ABCA10: variants seen among roughly 807,000 people sequenced by gnomAD.
The protein encoded by ABCA10 is ATP-binding cassette sub-family A member 10.
In ABCA10, 169 loss-of-function variants were observed where a neutral mutation model predicts 187.5. The observed-to-expected ratio is 0.90, with a 90% CI of 0.80 to 1.02. The LOEUF is 1.02. Ranked by LOEUF, ABCA10 falls within the 50% of genes least tolerant of loss-of-function variation. The pLI is 0.00. For synonymous variants in ABCA10, 574 were observed against 601.8 expected (o/e 0.95, Z 0.68); for missense variants, 1,727 against 1,812.4 (o/e 0.95, Z 0.86).
chr17:69,179,205 C>CAAA (rs5821701), intron 22 of ABCA10, among the ~76,000 whole-genome samples: 1 of 147,950 alleles, frequency 6.8e-6, no homozygotes, highest in African/African-American at 2.6e-5. Context: ...AAAAACAAAA[C>CAAA]AAACAAAAAA....
At chr17:69,209,295 G>A (rs1001477682) in intron 9 of ABCA10, among the ~76,000 whole-genome samples, 1 of 150,606 alleles carries the variant, frequency 6.6e-6, no homozygotes, top group Admixed American at 6.7e-5. Flanking sequence ...CTGCTCTTTA[G>A]TCAAAAGAAG....
intron 27 of ABCA10, among the ~76,000 whole-genome samples, chr17:69,157,829 AG>A (rs1446906183): frequency 6.6e-6 from 1 of 152,154 alleles, no homozygotes; most frequent in Non-Finnish European, 1.5e-5. Context: ...AATGAATTTT[AG>A]ATGATTGAAG....
At chr17:69,190,020 G>C (rs753590341) in intron 18 of ABCA10, among the ~76,000 whole-genome samples, 2 of 152,114 alleles carry the variant, frequency 1.3e-5, no homozygotes, top group Non-Finnish European at 2.9e-5. Context: ...ATAAGGAATG[G>C]CAAGTAAGAG....
chr17:69,226,036 A>G (rs1271157794), intron 2 of ABCA10, among the ~76,000 whole-genome samples: 2 of 152,108 alleles, frequency 1.3e-5, no homozygotes, highest in African/African-American at 4.8e-5. Flanking sequence ...ATCAACCTTA[A>G]AAGACATTTT....
intron 21 of ABCA10, among the ~76,000 whole-genome samples, 175 bp downstream of exon 21, chr17:69,182,500 A>T (rs2074387514): frequency 6.6e-6 from 1 of 152,140 alleles, no homozygotes; most frequent in South Asian, 2.1e-4. Flanking sequence ...AACATTTACT[A>T]ACATGAAAAG....
chr17:69,170,454 A>G (rs1435155154), intron 25 of ABCA10, among the ~76,000 whole-genome samples: 1 of 151,674 alleles, frequency 6.6e-6, no homozygotes, highest in African/African-American at 2.4e-5. Flanking sequence ...AAAAAAAAAA[A>G]AAAGAAGTCT....
chr17:69,175,401 C>G lies in ABCA10; in HGVS notation c.2877+5G>C. ...TCAATCTAATTTCCTCTCTCTCCCT[C>G]TTACTTTATAATCGCTGATGCTGCT... On this transcript the variant is annotated splice_donor_5th_base_variant and intron_variant, in intron 23 of 38. Transcript: ENST00000690296. 1 of 1,603,280 alleles carries G rather than the reference C, an allele frequency of 6.2e-7. No homozygotes were observed. Among genetic ancestry groups the G allele is most frequent in the Non-Finnish European group, 8.5e-7 (1 of 1,175,030 alleles).
At chr17:69,221,754 T>C (rs1753141677) in intron 5 of ABCA10, 38 bp downstream of exon 5, 2 of 1,533,700 alleles carry the variant, frequency 1.3e-6, no homozygotes, top group Middle Eastern at 1.7e-4. Context: ...GAGGGAAGAA[T>C]ACAGATTTAA....
At chr17:69,192,038 G>A (rs995982589) in intron 16 of ABCA10, among the ~76,000 whole-genome samples, 22 of 152,156 alleles carry the variant, frequency 1.4e-4, no homozygotes, top group East Asian at 5.8e-4. Flanking sequence ...TAAAAATGTC[G>A]TATAGGCCGG....
chr17:69,196,981 C>G, intron 11 of ABCA10, 83 bp downstream of exon 11: 1 of 993,644 alleles, frequency 1.0e-6, no homozygotes, highest in Middle Eastern at 3.5e-4. Flanking sequence ...CCAGCCTCCG[C>G]TTGGCATCAG....
intron 25 of ABCA10, among the ~76,000 whole-genome samples, chr17:69,167,742 C>A (rs2074264233): frequency 1.3e-5 from 2 of 152,102 alleles, no homozygotes; most frequent in Non-Finnish European, 2.9e-5. Flanking sequence ...TTATTCAAGG[C>A]TCCTTTTGAC....
intron 1 of ABCA10, among the ~76,000 whole-genome samples, chr17:69,238,412 G>A (rs1031324484): frequency 1.3e-5 from 2 of 152,144 alleles, no homozygotes; most frequent in African/African-American, 2.4e-5. Context: ...AGAAAACAAT[G>A]GGGGTTATGC....
intron 15 of ABCA10, 113 bp downstream of exon 15, chr17:69,192,997 C>T: frequency 1.4e-6 from 2 of 1,425,162 alleles, no homozygotes; most frequent in Non-Finnish European, 1.9e-6. Context: ...TTGAAATGGG[C>T]TTCTGCAAAT....
rs1568048168 is a variant in ABCA10, at chr17:69,153,901, T to G, written c.3895A>C (p.Lys1299Gln). 4.3e-6 allele frequency: 7 copies of G among 1,614,158 alleles called. No homozygotes were observed. The highest frequency in any genetic ancestry group is 5.9e-6 in the Non-Finnish European group (7 of 1,179,998). ...GCTGCATACAACTCCAAGTGCTCTTTCATTGTAAGCTTGGGCCACAGTGAG... is the reference window on the plus strand; with the variant it reads ...GCTGCATACAACTCCAAGTGCTCTTGCATTGTAAGCTTGGGCCACAGTGAG... ...ENSLWPKLTMKEHLELYAAVK... is the reference protein window; with the variant it reads ...ENSLWPKLTMQEHLELYAAVK... The change falls in exon 32 of 39, where the codon AAA (lysine) becomes CAA (glutamine). Residue 1299 changes from lysine (K) to glutamine (Q), a missense_variant. Lys to Gln is a moderately conservative substitution (Grantham distance 53). Coordinates refer to ENST00000690296, the MANE Select transcript of ABCA10 (RefSeq NM_001377321.1).
At chr17:69,193,015 A>G in intron 15 of ABCA10, 95 bp downstream of exon 15, 2 of 1,483,276 alleles carry the variant, frequency 1.3e-6, no homozygotes, top group Non-Finnish European at 1.8e-6. Flanking sequence ...AATAAACTGC[A>G]AACAAGATTT....
intron 13 of ABCA10, 34 bp downstream of exon 13, chr17:69,193,780 T>C (rs1490286168): frequency 8.8e-6 from 14 of 1,594,670 alleles, no homozygotes; most frequent in Non-Finnish European, 1.2e-5. Flanking sequence ...AGTAAATTAT[T>C]TCCAAAGCCA....
intron 10 of ABCA10, among the ~76,000 whole-genome samples, chr17:69,200,712 AT>A (rs1484111602): frequency 6.6e-6 from 1 of 152,166 alleles, no homozygotes; most frequent in Admixed American, 6.5e-5. Flanking sequence ...ATTCTATTCT[AT>A]TTATTTATTT....
chr17:69,181,841 T>C (rs1489370585), intron 22 of ABCA10, among the ~76,000 whole-genome samples: 4 of 151,724 alleles, frequency 2.6e-5, no homozygotes, highest in African/African-American at 7.2e-5. Context: ...TACCAGAAAA[T>C]AGTACACTCA....
At chr17:69,205,976 C>T (rs77201162) in intron 9 of ABCA10, among the ~76,000 whole-genome samples, 13 of 152,014 alleles carry the variant, frequency 8.6e-5, no homozygotes, top group African/African-American at 1.4e-4. Context: ...GATCATGAAG[C>T]GGAAATGGTA....
Sources: gnomAD v4.1 joint callset for allele counts (sites outside exome capture counted in the v4.1 genomes callset) on GRCh38, gnomAD v4.1.1 for gene constraint, MANE v1.5 for transcripts, NCBI Gene and HGNC (gene_info 2026-07-23, HGNC 2026-07-21) for gene names.